SVOP: variants seen among roughly 807,000 people sequenced by gnomAD.
The protein encoded by SVOP is SV2 related protein.
SVOP carries 17 observed loss-of-function variants against 69.1 expected under a neutral mutation model. That is an observed-to-expected ratio of 0.25 (90% confidence interval 0.17 to 0.37). The LOEUF is 0.37. Ranked by LOEUF, SVOP falls within the 10% of genes least tolerant of loss-of-function variation. SVOP has a pLI of 1.00. For missense variants in SVOP, 435 were observed against 597.5 expected (o/e 0.73, Z 2.84); for synonymous variants, 238 against 238.6 (o/e 1.00, Z 0.02).
chr12:108,933,740 T>C (rs1208021843), intron 11 of SVOP, among the ~76,000 whole-genome samples: 1 of 151,960 alleles, frequency 6.6e-6, no homozygotes, highest in Non-Finnish European at 1.5e-5. Flanking sequence ...AAAAGGAAGA[T>C]TCACAGCAAA....
At chr12:108,931,163 T>C (rs536865128) in intron 11 of SVOP, among the ~76,000 whole-genome samples, 15 of 152,222 alleles carry the variant, frequency 9.9e-5, no homozygotes, top group African/African-American at 3.6e-4. Context: ...ACACAGACTC[T>C]CCCACACCCC....
At chr12:108,972,601 CCTGCCA>C in intron 4 of SVOP, 125 bp from the exon 5 acceptor site, 1 of 996,938 alleles carries the variant, frequency 1.0e-6, no homozygotes, top group Non-Finnish European at 1.5e-6. Flanking sequence ...TCACTGAGAG[CCTGCCA>C]AGGGGCAAAC....
chr12:108,938,619 G>C (rs1389873702), intron 9 of SVOP, among the ~76,000 whole-genome samples: 1 of 152,208 alleles, frequency 6.6e-6, no homozygotes, highest in East Asian at 1.9e-4. Flanking sequence ...TTTAGAACTT[G>C]GAAGTGAAAA....
chr12:108,929,688 C>G (rs7138346), intron 11 of SVOP, among the ~76,000 whole-genome samples: 3 of 152,000 alleles, frequency 2.0e-5, no homozygotes, highest in African/African-American at 7.2e-5. Flanking sequence ...CTGACTCCCC[C>G]ACCCTGCTCC....
chr12:108,945,036 C>T, intron 7 of SVOP, 67 bp downstream of exon 7: 1 of 1,444,134 alleles, frequency 6.9e-7, no homozygotes. Flanking sequence ...ACCTGTGGTT[C>T]AAGACATCTG....
intron 1 of SVOP, among the ~76,000 whole-genome samples, chr12:109,001,262 G>A (rs2040267696): frequency 9.2e-6 from 1 of 109,018 alleles, no homozygotes; most frequent in Non-Finnish European, 1.9e-5. Flanking sequence ...GGATGTGAAG[G>A]ACCTCTTCAA....
rs187747710 is a variant in SVOP, at chr12:108,908,909, C to A, written c.*3626G>T. On this transcript the variant is annotated 3_prime_UTR_variant, in exon 16 of 16. Coordinates refer to ENST00000610966, the MANE Select transcript of SVOP (RefSeq NM_018711.5). ...GACTCATGCTGGGATGGGCATGACA[C>A]CCAGGTCTGATCAATGAGAAGCAAT... The A allele has an allele frequency of 2.0e-5, 3 of 152,316 alleles. No individual in the cohort carries two copies. Among genetic ancestry groups the A allele is most frequent in the Admixed American group, 2.0e-4 (3 of 15,288 alleles). The allele number at this position is 152,316 out of a possible 1,614,324, so 9.4% of individuals were successfully genotyped here.
At chr12:108,938,801 C>T (rs979491162) in intron 9 of SVOP, 26 bp downstream of exon 9, 8 of 1,613,892 alleles carry the variant, frequency 5.0e-6, no homozygotes, top group Middle Eastern at 3.3e-4. Flanking sequence ...ACGCACATTG[C>T]AGAGTCTATT....
chr12:108,959,312 G>C (rs2040003244), intron 6 of SVOP, among the ~76,000 whole-genome samples: 1 of 149,962 alleles, frequency 6.7e-6, no homozygotes, highest in African/African-American at 2.5e-5. Context: ...CCTTTAACAA[G>C]CTTGCCCTGG....
At position 108,949,895 on chromosome 12, in the gene SVOP, T is replaced by G. The variant is rs930164116; in HGVS notation, c.579-4729A>C. 3.3e-5 allele frequency among the ~76,000 whole-genome samples: 5 copies of G among 152,154 alleles called. No homozygotes were observed. In the South Asian group the frequency reaches 6.2e-4, roughly 19 times the overall value. ...GCCAGAAGTGCCGAAGAATTTAAAC[T>G]TCCCGGGAGTAGCCCTCACTGGACA... On this transcript the variant is annotated intron_variant, in intron 6 of 15. Transcript: ENST00000610966.
chr12:108,945,778 T>C (rs1400358290), intron 6 of SVOP, among the ~76,000 whole-genome samples: 2 of 152,080 alleles, frequency 1.3e-5, no homozygotes, highest in East Asian at 3.9e-4. Context: ...CAGGGAAAAA[T>C]GTTTTCTTGG....
At chr12:108,962,454 T>C (rs1423761312) in intron 5 of SVOP, among the ~76,000 whole-genome samples, 1 of 152,182 alleles carries the variant, frequency 6.6e-6, no homozygotes, top group East Asian at 1.9e-4. Flanking sequence ...GGAAATTTTT[T>C]CTGGATAGTT....
chr12:109,001,239 T>G (rs2040267539), intron 1 of SVOP, among the ~76,000 whole-genome samples: 2 of 89,974 alleles, frequency 2.2e-5, no homozygotes, highest in East Asian at 3.1e-4. Context: ...TACCTAGGAA[T>G]CCAACTTACA....
At chr12:108,952,255 G>A (rs1339612913) in intron 6 of SVOP, among the ~76,000 whole-genome samples, 1 of 75,238 alleles carries the variant, frequency 1.3e-5, no homozygotes, top group African/African-American at 4.1e-5. Flanking sequence ...TTTTTTTTGA[G>A]TCAGAGTCTC....
intron 10 of SVOP, among the ~76,000 whole-genome samples, chr12:108,935,563 G>C (rs2039851453): frequency 6.6e-6 from 1 of 152,206 alleles, no homozygotes; most frequent in Non-Finnish European, 1.5e-5. Flanking sequence ...GGCAGAGCTA[G>C]AGTCCGTTCT....
chr12:108,926,781 G>C (rs1409165688), intron 11 of SVOP, among the ~76,000 whole-genome samples: 1 of 152,236 alleles, frequency 6.6e-6, no homozygotes, highest in Admixed American at 6.5e-5. Flanking sequence ...GCCTGTATAT[G>C]TGTTTGCTTT....
chr12:108,994,058 T>C (rs1320308819), intron 1 of SVOP, among the ~76,000 whole-genome samples: 2 of 152,218 alleles, frequency 1.3e-5, no homozygotes, highest in African/African-American at 4.8e-5. Flanking sequence ...TGTGGACTAA[T>C]AGTGACCACT....
At position 109,004,367 on chromosome 12, in the gene SVOP, G is replaced by A. The variant is rs925129557; in HGVS notation, c.35+16467C>T. On this transcript the variant is annotated intron_variant, in intron 1 of 15. Transcript: ENST00000610966. ...TTTGTACCACCATAGAATTTTCCTC[G>A]GTACCTTAAATTAGGGCCTGTGACT... Among the ~76,000 whole-genome samples the A allele has an allele frequency of 6.6e-5, 10 of 150,578 alleles. No individual in the cohort carries two copies. The South Asian group carries it at 1.0e-3, about 16-fold the overall frequency.
At chr12:108,968,886 T>C (rs1205816437) in intron 5 of SVOP, among the ~76,000 whole-genome samples, 2 of 152,084 alleles carry the variant, frequency 1.3e-5, no homozygotes, top group African/African-American at 4.8e-5. Context: ...CTCCCCATCC[T>C]GGGTTCAAGC....
Sources: allele counts gnomAD v4.1 joint callset (sites outside exome capture counted in the v4.1 genomes callset), GRCh38; gene constraint gnomAD v4.1.1; transcripts MANE v1.5; gene names NCBI Gene and HGNC (gene_info 2026-07-23, HGNC 2026-07-21).